The following CCR3 variants were observed in gnomAD, a reference collection of about 807,000 sequenced individuals.
CCR3 encodes the protein C-C motif chemokine receptor 3, also known as C-C chemokine receptor type 3.
For missense variants in CCR3, 419 were observed against 437.5 expected, an observed-to-expected ratio of 0.96 and a Z score of 0.38; for synonymous variants, 203 against 179.2, an observed-to-expected ratio of 1.13 and a Z score of -1.06.
At chr3:46,247,428 A>G (rs1700219102) in intron 1 of CCR3, among the ~76,000 whole-genome samples, 1 of 152,170 alleles carries the variant, frequency 6.6e-6, no homozygotes. Flanking sequence ...CTGACTTCTG[A>G]GAAGGGAAAG....
At chr3:46,230,795 C>T (rs185122527) in intron 2 of CCR3, among the ~76,000 whole-genome samples, 2 of 152,154 alleles carry the variant, frequency 1.3e-5, no homozygotes, top group African/African-American at 2.4e-5. Context: ...TGTTAAGGAC[C>T]GAGGCACTTT....
chr3:46,260,695 A>G (rs1179333597), intron 1 of CCR3, among the ~76,000 whole-genome samples: 1 of 152,242 alleles, frequency 6.6e-6, no homozygotes, highest in East Asian at 1.9e-4. Flanking sequence ...TAACACAAAT[A>G]ACTCTATTTT....
chr3:46,218,245 ACCAC>A (rs1314023176), intron 2 of CCR3, among the ~76,000 whole-genome samples: 4 of 152,096 alleles, frequency 2.6e-5, no homozygotes, highest in Non-Finnish European at 5.9e-5. Context: ...CTAGAAATGT[ACCAC>A]CCTCCTAGAT....
intron 1 of CCR3, among the ~76,000 whole-genome samples, chr3:46,248,902 G>A (rs1700252222): frequency 6.6e-6 from 1 of 152,214 alleles, no homozygotes; most frequent in African/African-American, 2.4e-5. Flanking sequence ...ATAAGGTGCA[G>A]ATTCTGAACT....
At chr3:46,230,715 C>T (rs1377833273) in intron 2 of CCR3, among the ~76,000 whole-genome samples, 1 of 152,134 alleles carries the variant, frequency 6.6e-6, no homozygotes, top group African/African-American at 2.4e-5. Context: ...CTCCATCTAC[C>T]TCCTCGCCCC....
In CCR3 at chr3:46,246,699, GCT is replaced by G. The variant is rs551404179; in HGVS notation, c.-12+4162_-12+4163del. Among the ~76,000 whole-genome samples the G allele has an allele frequency of 2.4e-3, 368 of 152,280 alleles. 5 individuals carry two copies. Among genetic ancestry groups the G allele is most frequent in the African/African-American group, 8.5e-3 (352 of 41,522 alleles). The stretch of plus-strand genomic sequence containing the variant: ...TGTGCAAGTCACAGGGGATGGGATA[GCT>G]TGGCTTGGGCTCAGAGGCCTGACAT... On this transcript the variant is annotated intron_variant, in intron 1 of 1. Transcript: ENST00000395940.
At chr3:46,263,235 A>G (rs1700559666) in intron 1 of CCR3, among the ~76,000 whole-genome samples, 1 of 152,248 alleles carries the variant, frequency 6.6e-6, no homozygotes, top group African/African-American at 2.4e-5. Context: ...GAGAAAAAGG[A>G]AAATAAATAC....
chr3:46,242,982 C>CATATATATATATATATATACACACATAT (rs1553644085), intron 1 of CCR3, among the ~76,000 whole-genome samples: 2 of 99,326 alleles, frequency 2.0e-5, no homozygotes, highest in African/African-American at 9.2e-5. Context: ...TATATATACA[C>CATATATATATATATATATACACACATAT]ATATATATAT....
chr3:46,220,852 G>A (rs933133229), intron 2 of CCR3, among the ~76,000 whole-genome samples: 5 of 152,106 alleles, frequency 3.3e-5, no homozygotes, highest in Non-Finnish European at 5.9e-5. Context: ...AGACTTAGAC[G>A]GAAGGGTGGG....
At chr3:46,226,575 C>T (rs560571363) in intron 2 of CCR3, among the ~76,000 whole-genome samples, 8 of 152,164 alleles carry the variant, frequency 5.3e-5, no homozygotes, top group East Asian at 1.9e-4. Context: ...CTATGTAGAC[C>T]GCTATGTCTT....
In CCR3 at chr3:46,260,182, G is replaced by T. The variant is rs545616125; in HGVS notation, c.-11-4966G>T. Among the ~76,000 whole-genome samples, 15 of 152,234 alleles carry T rather than the reference G, an allele frequency of 9.9e-5. No homozygotes were observed. In the East Asian group the frequency reaches 1.9e-3, roughly 20 times the overall value. On this transcript the variant is annotated intron_variant, in intron 1 of 1. Coordinates refer to ENST00000395940, the MANE Select transcript of CCR3 (RefSeq NM_178329.3). ...TCACCTCCCACCGTGTGTCTCCCAC[G>T]ACACATGGGGATTGTGGGTGTTACA...
intron 1 of CCR3, among the ~76,000 whole-genome samples, chr3:46,246,706 T>C (rs1422252752): frequency 6.6e-6 from 1 of 152,160 alleles, no homozygotes; most frequent in Non-Finnish European, 1.5e-5. Flanking sequence ...ATAGCTTGGC[T>C]TGGGCTCAGA....
chr3:46,246,544 A>G (rs1489375829), intron 1 of CCR3, among the ~76,000 whole-genome samples: 1 of 152,048 alleles, frequency 6.6e-6, no homozygotes, highest in Non-Finnish European at 1.5e-5. Flanking sequence ...TCACAAGGTA[A>G]TGTCATCACT....
In CCR3 at chr3:46,236,339, C is replaced by T. The variant is rs191756961; in HGVS notation, c.-67-6063C>T. ...AGAGAGAAGAGAAAAGGGAAGACAC[C>T]GGCTGCTGAGAGCTGCCCTCACCAT... On this transcript the variant is annotated intron_variant, in intron 2 of 3. Transcript: ENST00000357422. 4.0e-4 allele frequency among the ~76,000 whole-genome samples: 61 copies of T among 152,330 alleles called. 1 individual carries two copies. Among genetic ancestry groups the T allele is most frequent in the Middle Eastern group, 3.4e-3 (1 of 294 alleles).
At chr3:46,218,815 G>A (rs1170153572) in intron 2 of CCR3, among the ~76,000 whole-genome samples, 1 of 152,080 alleles carries the variant, frequency 6.6e-6, no homozygotes, top group Non-Finnish European at 1.5e-5. Context: ...AATCAGCATA[G>A]AAGGGACATA....
intron 2 of CCR3, among the ~76,000 whole-genome samples, chr3:46,218,517 C>T (rs34985947): frequency 0.16 from 25,017 of 151,744 alleles, 2,988 homozygotes; most frequent in African/African-American, 0.33. Context: ...CAGGAAATGA[C>T]GTAATGAAAA....
chr3:46,260,403 T>C (rs1376037101), intron 1 of CCR3, among the ~76,000 whole-genome samples: 1 of 152,228 alleles, frequency 6.6e-6, no homozygotes, highest in Non-Finnish European at 1.5e-5. Context: ...CCCTTCTGCC[T>C]ATGAACTTGT....
At chr3:46,215,807 A>G (rs1699768019) in intron 2 of CCR3, among the ~76,000 whole-genome samples, 1 of 152,158 alleles carries the variant, frequency 6.6e-6, no homozygotes, top group Non-Finnish European at 1.5e-5. Flanking sequence ...AACCCAGCAC[A>G]CCCCAGCACA....
intron 1 of CCR3, among the ~76,000 whole-genome samples, chr3:46,260,549 G>A (rs912975315): frequency 6.6e-6 from 1 of 152,188 alleles, no homozygotes; most frequent in Non-Finnish European, 1.5e-5. Flanking sequence ...ATCCAGCAGG[G>A]CAGTCAAACC....
Sources: allele counts gnomAD v4.1 joint callset (sites outside exome capture counted in the v4.1 genomes callset), GRCh38; gene constraint gnomAD v4.1.1; transcripts MANE v1.5; gene names NCBI Gene and HGNC (gene_info 2026-07-23, HGNC 2026-07-21).